The following ATXN2 variants were observed in gnomAD, a reference collection of about 807,000 sequenced individuals.
ATXN2 encodes the protein ataxin 2, also known as ataxin-2.
In ATXN2, 37 loss-of-function variants were observed where a neutral mutation model predicts 138.6. The ratio of observed to expected loss-of-function variants is 0.27; its 90% confidence interval spans 0.21 to 0.35. The LOEUF is 0.35. Ranked by LOEUF, ATXN2 falls within the 10% of genes least tolerant of loss-of-function variation. ATXN2 has a pLI of 1.00. For synonymous variants in ATXN2, 549 were observed against 543.7 expected, an observed-to-expected ratio of 1.01 and a Z score of -0.13; for missense variants, 1,216 against 1,480.3, an observed-to-expected ratio of 0.82 and a Z score of 2.93.
intron 20 of ATXN2, among the ~76,000 whole-genome samples, chr12:111,466,089 C>A (rs1414896445): frequency 4.6e-5 from 7 of 150,652 alleles, no homozygotes; most frequent in African/African-American, 1.7e-4. Context: ...CTGCTTGAAC[C>A]CAGGAGGCGG....
chr12:111,553,457 A>G (rs2135787072), intron 3 of ATXN2, among the ~76,000 whole-genome samples: 1 of 151,662 alleles, frequency 6.6e-6, no homozygotes, highest in East Asian at 1.9e-4. Flanking sequence ...ATTACTTGTA[A>G]TACCTAATAT....
intron 6 of ATXN2, among the ~76,000 whole-genome samples, chr12:111,522,479 G>A (rs1429630947): frequency 6.6e-6 from 1 of 151,916 alleles, no homozygotes; most frequent in Non-Finnish European, 1.5e-5. Flanking sequence ...GTGTGGTGGC[G>A]GGAGCCTGTA....
Position 111,599,045 on chromosome 12 carries a change from C to T in ATXN2, c.-11G>A. On this transcript the variant is annotated 5_prime_UTR_variant, in exon 1 of 25. Coordinates refer to ENST00000673436, the MANE Select transcript of ATXN2 (RefSeq NM_001372574.1). ...GGGCTTCAGCGACATGGTGAGGGGC[C>T]CATACACCGGCTCGCACGCCGGGCG... 6.8e-7 allele frequency: 1 copy of T among 1,462,484 alleles called. No individual in the cohort carries two copies. The highest frequency in any genetic ancestry group is 9.0e-7 in the Non-Finnish European group (1 of 1,108,928). The allele number at this position is 1,462,484 out of a possible 1,614,324, so 90.6% of individuals were successfully genotyped here.
At chr12:111,562,644 C>T (rs992767573) in intron 1 of ATXN2, among the ~76,000 whole-genome samples, 1 of 147,002 alleles carries the variant, frequency 6.8e-6, no homozygotes, top group East Asian at 2.0e-4. Context: ...TGCTTGAACC[C>T]GGGAGGCAGA....
chr12:111,479,281 G>A lies in ATXN2; in HGVS notation c.2524+5984C>T, dbSNP rs994667401. 4.0e-5 allele frequency among the ~76,000 whole-genome samples: 6 copies of A among 151,070 alleles called. No homozygotes were observed. In the East Asian group the frequency reaches 5.9e-4, roughly 15 times the overall value. Reference sequence around the variant, plus strand: ...AAAAAGGAATAAGCTGGCTGGGCACGGTGACTCACACCTGTAATCCCAGCA... The same window carrying A: ...AAAAAGGAATAAGCTGGCTGGGCACAGTGACTCACACCTGTAATCCCAGCA... On this transcript the variant is annotated intron_variant, in intron 18 of 24. Transcript: ENST00000673436.
intron 14 of ATXN2, among the ~76,000 whole-genome samples, chr12:111,493,991 C>T (rs987928560): frequency 1.3e-5 from 2 of 151,904 alleles, no homozygotes; most frequent in South Asian, 2.1e-4. Flanking sequence ...AGTGCAGTGG[C>T]GCACTCTCGG....
At chr12:111,485,980 T>C in intron 16 of ATXN2, 115 bp from the exon 17 acceptor site, 1 of 975,294 alleles carries the variant, frequency 1.0e-6, no homozygotes, top group Non-Finnish European at 1.4e-6. Flanking sequence ...TATGTCCCTT[T>C]TATTGAAAAC....
intron 5 of ATXN2, among the ~76,000 whole-genome samples, chr12:111,551,052 A>T (rs1882088237): frequency 6.6e-6 from 1 of 152,220 alleles, no homozygotes; most frequent in Non-Finnish European, 1.5e-5. Context: ...TAATTCCAGC[A>T]CTTTGGGAGG....
At position 111,599,028 on chromosome 12, in the gene ATXN2, G is replaced by A. The variant is rs1316227782; in HGVS notation, c.7C>T (p.Leu3=). 4.0e-6 allele frequency: 6 copies of A among 1,502,694 alleles called. No individual in the cohort carries two copies. Among genetic ancestry groups the A allele is most frequent in the South Asian group, 3.7e-5 (3 of 80,718 alleles). The allele number at this position is 1,502,694 out of a possible 1,614,324, so 93.1% of individuals were successfully genotyped here. ...TGCTGCTGCTGCTGCTGGGGCTTCA[G>A]CGACATGGTGAGGGGCCCATACACC... The part of the protein sequence containing the change: MS[L]KPQQQQQQQQ... The change falls in exon 1 of 25, where the codon CTG becomes TTG. Residue 3 remains leucine, a synonymous_variant. Transcript: ENST00000673436.
At chr12:111,523,736 A>G (rs1880321207) in intron 6 of ATXN2, among the ~76,000 whole-genome samples, 1 of 150,834 alleles carries the variant, frequency 6.6e-6, no homozygotes, top group Non-Finnish European at 1.5e-5. Context: ...TCAAAACAAC[A>G]GCAACAACAA....
rs1454947364 is a variant in ATXN2 at position 111,516,226 on chromosome 12, G to T, written c.1303C>A (p.Pro435Thr). Residue 435 changes from proline (P) to threonine (T), a missense_variant, in exon 10 of 25, where the codon CCC (proline) becomes ACC (threonine). By Grantham distance (38) the Pro-to-Thr change is conservative. Transcript: ENST00000673436. This position sits in a 1 kb window ranked among gnomAD's most constrained non-coding sequence, Gnocchi z 5.0. Reference protein sequence around the residue: ...PSRPPSRPSRPPSHPSAHGSP... With the variant: ...PSRPPSRPSRTPSHPSAHGSP... ...CCATGAGCAGAGGGGTGAGACGGGGGTCTGGATGGCCGCGAGGGGGGCCTG... is the reference window on the plus strand; with the variant it reads ...CCATGAGCAGAGGGGTGAGACGGGGTTCTGGATGGCCGCGAGGGGGGCCTG... 2.5e-6 allele frequency: 4 copies of T among 1,574,622 alleles called. No individual in the cohort carries two copies. The highest frequency in any genetic ancestry group is 1.7e-6 in the Non-Finnish European group (2 of 1,166,772).
chr12:111,590,379 T>G lies in ATXN2; in HGVS notation c.251+8405A>C, dbSNP rs1379208989. On this transcript the variant is annotated intron_variant, in intron 1 of 24. Transcript: ENST00000673436. ...CTGAAGGGCAAGTACTGTCCGTGACTGTATTCCATAAAACAAGCCTGTTAG... is the reference window on the plus strand; with the variant it reads ...CTGAAGGGCAAGTACTGTCCGTGACGGTATTCCATAAAACAAGCCTGTTAG... Among the ~76,000 whole-genome samples the G allele has an allele frequency of 2.0e-5, 3 of 152,052 alleles. No homozygotes were observed. The East Asian group carries it at 5.8e-4, about 29-fold the overall frequency.
rs748838859 is a variant in ATXN2 at position 111,583,766 on chromosome 12, C to CAAAAAAAAAAAAAAAAAAAA, written c.251+14998_251+15017dup. On this transcript the variant is annotated intron_variant, in intron 1 of 24. Coordinates refer to ENST00000673436, the MANE Select transcript of ATXN2 (RefSeq NM_001372574.1). Reference sequence around the variant, plus strand: ...TGGGCAACACAGCAAGACTCCGACTCAAAAAAAAAAAAAAAAAAAAAAAAC... The same window carrying CAAAAAAAAAAAAAAAAAAAA: ...TGGGCAACACAGCAAGACTCCGACTCAAAAAAAAAAAAAAAAAAAAAAAAAAAAAAAAAAAAAAAAAAAAC... Among the ~76,000 whole-genome samples, 2 of 58,122 alleles carry CAAAAAAAAAAAAAAAAAAAA rather than the reference C, an allele frequency of 3.4e-5. 1 individual carries two copies. The allele number at this position is 58,122 out of a possible 152,430, so 38.1% of individuals were successfully genotyped here. A position where few individuals can be genotyped will look rare whatever the true frequency, so the allele number is the denominator to read the frequency against.
intron 5 of ATXN2, among the ~76,000 whole-genome samples, chr12:111,550,925 A>C (rs1882081840): frequency 6.6e-6 from 1 of 152,220 alleles, no homozygotes; most frequent in South Asian, 2.1e-4. Flanking sequence ...GAATAGTGAA[A>C]ATCAAATTGT....
chr12:111,576,085 A>AAATAACATAACATAAC (rs1335091980), intron 1 of ATXN2, among the ~76,000 whole-genome samples: 1 of 123,390 alleles, frequency 8.1e-6, no homozygotes, highest in African/African-American at 3.3e-5. Context: ...TCTGTCTTAA[A>AAATAACATAACATAAC]ATAACATAAC....
intron 5 of ATXN2, among the ~76,000 whole-genome samples, chr12:111,541,865 C>G (rs1043286845): frequency 6.8e-6 from 1 of 148,014 alleles, no homozygotes; most frequent in Middle Eastern, 3.4e-3. Flanking sequence ...CAACCTCCAC[C>G]TACGGGGTTC....
chr12:111,457,328 C>T lies in ATXN2; in HGVS notation c.2928G>A (p.Ala976=), dbSNP rs964446609. ...GTGGGTGCAGGGTAGCGTTAGGGTG[C>T]GCATACTGCTGAGCAAGGGAGCCCG... ...ISTGSLAQQY[A]HPNATLHPHT... Residue 976 remains alanine, a synonymous_variant, in exon 22 of 25, where the codon GCG becomes GCA. Transcript: ENST00000673436. 11 of 1,613,296 alleles carry T rather than the reference C, an allele frequency of 6.8e-6. No homozygotes were observed. The East Asian group carries it at 8.9e-5, about 13-fold the overall frequency.
At chr12:111,478,223 A>G (rs977327197) in intron 18 of ATXN2, among the ~76,000 whole-genome samples, 4 of 152,106 alleles carry the variant, frequency 2.6e-5, no homozygotes, top group Non-Finnish European at 5.9e-5. Flanking sequence ...CATGACCAAC[A>G]TGGTGAAACC....
intron 14 of ATXN2, among the ~76,000 whole-genome samples, chr12:111,502,142 C>G (rs1878815816): frequency 6.6e-6 from 1 of 152,198 alleles, no homozygotes; most frequent in East Asian, 1.9e-4. Context: ...ATCCACCTGT[C>G]TCAGCCTCCC....
Sources: gnomAD v4.1 joint callset for allele counts (sites outside exome capture counted in the v4.1 genomes callset) on GRCh38, gnomAD v4.1.1 for gene constraint, Gnocchi (gnomAD v3.1) non-coding constraint, MANE v1.5 for transcripts, NCBI Gene and HGNC (gene_info 2026-07-23, HGNC 2026-07-21) for gene names.